Variants in TAS2R30 observed in about 807,000 individuals in gnomAD.
The protein encoded by TAS2R30 is taste receptor type 2 member 30.
For synonymous variants in TAS2R30, 141 were observed against 131.6 expected (o/e 1.07, Z -0.49); for missense variants, 395 against 371.6 (o/e 1.06, Z -0.52).
At chr12:11,133,401 C>T (rs1052320644) in exon 1 of TAS2R30, 3 of 1,613,882 alleles carry the variant, frequency 1.9e-6, no homozygotes, top group African/African-American at 2.7e-5. Context: ...TTCTTGTTTC[C>T]CAAAATCAGG....
In TAS2R30 at chr12:11,134,071, C is replaced by T. The variant is rs776753536; in HGVS notation, c.174G>A (p.Leu58=). The T allele has an allele frequency of 3.1e-6, 5 of 1,614,094 alleles. No homozygotes were observed. In the East Asian group the frequency reaches 6.7e-5, roughly 22 times the overall value. ...ACCAATGTAGTAATAACACCCAGAG[C>T]AAACCAACTCTGGAGACCGCCAGAG... The change falls in exon 1 of 1, where the codon TTG becomes TTA. Residue 58 remains leucine (L), a synonymous_variant. Coordinates refer to ENST00000539585, the Ensembl canonical transcript of TAS2R30.
At chr12:11,133,884 T>C (rs201847619) in exon 1 of TAS2R30, 13 of 1,610,600 alleles carry the variant, frequency 8.1e-6, no homozygotes, top group South Asian at 2.2e-5. Flanking sequence ...CTCCTCTTTA[T>C]GCGAAGAAAA....
At chr12:11,133,072 GA>G in exon 1 of TAS2R30, 1 of 541,036 alleles carries the variant, frequency 1.8e-6, no homozygotes, top group Non-Finnish European at 2.8e-6. Context: ...CAGTTTTTGT[GA>G]AAAAACAATA....
chr12:11,133,332 TTCTG>T, the TAS2R30 span: 14 of 1,613,898 alleles, frequency 8.7e-6, no homozygotes, highest in Non-Finnish European at 1.1e-5. Flanking sequence ...AGACGAAGGC[TTCTG>T]TCTTTCACCC....
exon 1 of TAS2R30, chr12:11,134,079 C>T (rs370581821): frequency 3.7e-5 from 59 of 1,614,016 alleles, no homozygotes; most frequent in Non-Finnish European, 4.4e-5. Context: ...AGCAAACCAA[C>T]TCTGGAGACC....
chr12:11,133,332 T>G (rs751867059), exon 1 of TAS2R30: 5 of 1,613,898 alleles, frequency 3.1e-6, no homozygotes, highest in Non-Finnish European at 4.2e-6. Context: ...AGACGAAGGC[T>G]TCTGTCTTTC....
At chr12:11,133,076 AAAC>A (rs980365754) in exon 1 of TAS2R30, 11 of 591,492 alleles carry the variant, frequency 1.9e-5, no homozygotes, top group South Asian at 1.5e-4. Flanking sequence ...TTTTGTGAAA[AAAC>A]AATAAAAAGC....
chr12:11,133,298 A>G, exon 1 of TAS2R30: 1 of 1,610,234 alleles, frequency 6.2e-7, no homozygotes, highest in Non-Finnish European at 8.5e-7. Flanking sequence ...GAAGACACAC[A>G]ATGCCCCTCT....
chr12:11,133,797 C>A, exon 1 of TAS2R30: 1 of 1,589,252 alleles, frequency 6.3e-7, no homozygotes, highest in Non-Finnish European at 8.6e-7. Context: ...ACAGTCTCAT[C>A]CATGTTTATC....
chr12:11,133,935 T>C (rs1946464776), exon 1 of TAS2R30: 1 of 1,614,032 alleles, frequency 6.2e-7, no homozygotes, highest in African/African-American at 1.3e-5. Context: ...AAATAAAACA[T>C]GCTGAGGCTA....
chr12:11,134,451 A>C, exon 1 of TAS2R30: 1 of 595,544 alleles, frequency 1.7e-6, no homozygotes, highest in East Asian at 2.9e-5. Flanking sequence ...TTTATGGAAA[A>C]CATTCTTATT....
exon 1 of TAS2R30, chr12:11,133,973 G>A (rs748755009): frequency 1.2e-6 from 2 of 1,613,930 alleles, no homozygotes; most frequent in Admixed American, 1.7e-5. Flanking sequence ...GAAATGGTTG[G>A]TTACTGCCCA....
chr12:11,133,159 T>C, exon 1 of TAS2R30: 1 of 1,169,600 alleles, frequency 8.5e-7, no homozygotes, highest in Non-Finnish European at 1.1e-6. Flanking sequence ...ATATATGTAC[T>C]TTTCTAGACT....
chr12:11,133,866 T>C, exon 1 of TAS2R30: 1 of 1,614,046 alleles, frequency 6.2e-7, no homozygotes, highest in Non-Finnish European at 8.5e-7. Context: ...AGAACAACAC[T>C]CTTAACTCTC....
chr12:11,133,263 T>C, exon 1 of TAS2R30: 1 of 1,575,158 alleles, frequency 6.3e-7, no homozygotes, highest in Non-Finnish European at 8.6e-7. Context: ...AAATGTTTCA[T>C]ACACCACCAG....
rs1387266929 is a variant in TAS2R30 at position 11,134,355 on chromosome 12, G to A, written c.-111C>T. On this transcript the variant is annotated 5_prime_UTR_variant, in exon 1 of 1. An upstream open reading frame in the 5' UTR gains an earlier in-frame stop. Transcript: ENST00000539585. Reference sequence around the variant, plus strand: ...TATGCACCTGATTTGTGTATGTGCTGTGACATTCTTTTTACTTTTAATTGC... The same window carrying A: ...TATGCACCTGATTTGTGTATGTGCTATGACATTCTTTTTACTTTTAATTGC... The A allele has an allele frequency of 1.7e-6, 2 of 1,211,062 alleles. No individual in the cohort carries two copies. Among genetic ancestry groups the A allele is most frequent in the African/African-American group, 1.5e-5 (1 of 65,346 alleles). 75.0% of individuals were successfully genotyped at this position (1,211,062 alleles called of 1,614,324 possible). A position where few individuals can be genotyped will look rare whatever the true frequency, so the allele number is the denominator to read the frequency against.
chr12:11,133,846 C>T lies in TAS2R30; in HGVS notation c.399G>A (p.Leu133=), dbSNP rs373014170. Residue 133 remains leucine, a synonymous_variant, in exon 1 of 1, where the codon CTG becomes CTA. Coordinates refer to ENST00000539585, the Ensembl canonical transcript of TAS2R30. ...AAACCAAAAATAGCAAAGGCCCCAA[C>T]AGTATCACCAGAACAACACTCTTAA... The T allele has an allele frequency of 7.0e-5, 113 of 1,614,142 alleles. No individual in the cohort carries two copies. The Middle Eastern group carries it at 3.1e-3, about 45-fold the overall frequency.
exon 1 of TAS2R30, chr12:11,132,997 A>G (rs1213246529): frequency 1.8e-5 from 6 of 334,076 alleles, no homozygotes; most frequent in Admixed American, 4.3e-5. Flanking sequence ...GAAATATAAA[A>G]TACATGTATG....
chr12:11,133,305 C>G (rs1035968442), exon 1 of TAS2R30: 1 of 1,612,106 alleles, frequency 6.2e-7, no homozygotes, highest in South Asian at 1.1e-5. Flanking sequence ...CACAATGCCC[C>G]TCTTGTGAAT....
Sources: allele counts gnomAD v4.1 joint callset, GRCh38; gene constraint gnomAD v4.1.1; transcripts MANE v1.5; gene names NCBI Gene and HGNC (gene_info 2026-07-23, HGNC 2026-07-21).